The following H2AC8 variants were observed in gnomAD, a reference collection of about 807,000 sequenced individuals.
H2AC8 encodes histone H2A type 1-B/E.
In H2AC8, 9 loss-of-function variants were observed where a neutral mutation model predicts 6.3. That is an observed-to-expected ratio of 1.43 (90% CI 0.86 to 2.49). The LOEUF is 2.49. H2AC8 is among the 30% of genes most tolerant of loss of function. H2AC8 has a pLI of 0.00. For missense variants in H2AC8, 141 were observed against 177.5 expected (o/e 0.79, Z 1.17); for synonymous variants, 176 against 79.6 (o/e 2.21, Z -6.45).
upstream of H2AC8, chr6:26,216,943 A>ATTGTTAG (rs757525560): frequency 1.7e-5 from 28 of 1,611,634 alleles, no homozygotes; most frequent in Admixed American, 3.9e-4. Context: ...TATTCAGTGG[A>ATTGTTAG]TTGTTAGTTC....
At chr6:26,217,186 C>T (rs1440081263) in exon 1 of H2AC8, 1 of 1,614,060 alleles carries the variant, frequency 6.2e-7, no homozygotes, top group Non-Finnish European at 8.5e-7. Context: ...GGCAACGCGG[C>T]TCGCGACAAT....
At chr6:26,216,949 A>T, upstream of H2AC8, 1 of 1,612,628 alleles carries the variant, frequency 6.2e-7, no homozygotes, top group Non-Finnish European at 8.5e-7. Context: ...GTGGATTGTT[A>T]GTTCTTCTGC....
chr6:26,217,247 C>G (rs754405426), exon 1 of H2AC8: 1 of 1,614,210 alleles, frequency 6.2e-7, no homozygotes, highest in Admixed American at 1.7e-5. Context: ...TCCGCAACGA[C>G]GAGGAGCTAA....
At position 26,217,428 on chromosome 6, in the gene H2AC8, G is replaced by C; in HGVS notation, c.*61G>C. 1.9e-6 allele frequency: 3 copies of C among 1,553,832 alleles called. No individual in the cohort carries two copies. The Admixed American group carries it at 6.0e-5, about 31-fold the overall frequency. ...TCCCAGAAACCAAAGGCTCTTTTCAGAGCCACCCACCTTTTCTGTAAAGTG... is the reference window on the plus strand; with the variant it reads ...TCCCAGAAACCAAAGGCTCTTTTCACAGCCACCCACCTTTTCTGTAAAGTG... On this transcript the variant is annotated 3_prime_UTR_variant, in exon 1 of 1. Transcript: ENST00000303910.
At chr6:26,216,975 A>G (rs1765424295) in exon 1 of H2AC8, 4 of 1,613,992 alleles carry the variant, frequency 2.5e-6, no homozygotes, top group Admixed American at 1.7e-5. Flanking sequence ...GGAAGCCACT[A>G]TGTCTGGACG....
exon 1 of H2AC8, chr6:26,217,175 T>C (rs1404930117): frequency 1.2e-6 from 2 of 1,614,110 alleles, no homozygotes; most frequent in Admixed American, 1.7e-5. Flanking sequence ...TAGAGCTAGC[T>C]GGCAACGCGG....
chr6:26,216,941 G>A (rs777473579), upstream of H2AC8: 6 of 1,611,376 alleles, frequency 3.7e-6, no homozygotes, highest in South Asian at 1.1e-5. Context: ...TTTATTCAGT[G>A]GATTGTTAGT....
chr6:26,217,370 T>C lies in H2AC8; in HGVS notation c.*3T>C, dbSNP rs780669922. On this transcript the variant is annotated 3_prime_UTR_variant, in exon 1 of 1. Transcript: ENST00000303910. ...ACCATAAGGCCAAGGGCAAGTGAAA[T>C]GATTACTAGTCAAATCCGTCAGTGA... 13 of 1,610,906 alleles carry C rather than the reference T, an allele frequency of 8.1e-6. No homozygotes were observed. The South Asian group carries it at 1.4e-4, about 18-fold the overall frequency.
exon 1 of H2AC8, chr6:26,217,178 C>A (rs377551194): frequency 6.2e-7 from 1 of 1,614,200 alleles, no homozygotes; most frequent in Non-Finnish European, 8.5e-7. Flanking sequence ...AGCTAGCTGG[C>A]AACGCGGCTC....
At chr6:26,217,262 G>A (rs373756908) in exon 1 of H2AC8, 10 of 1,614,106 alleles carry the variant, frequency 6.2e-6, no homozygotes, top group Non-Finnish European at 8.5e-6. Context: ...AGCTAAATAA[G>A]CTTCTAGGTC....
exon 1 of H2AC8, chr6:26,217,024 C>G: frequency 6.2e-7 from 1 of 1,614,194 alleles, no homozygotes; most frequent in Non-Finnish European, 8.5e-7. Context: ...AAAGCTAAAA[C>G]GCGTTCTTCC....
At position 26,217,388 on chromosome 6, in the gene H2AC8, G is replaced by A. The variant is rs759625327; in HGVS notation, c.*21G>A. ...AGTGAAATGATTACTAGTCAAATCC[G>A]TCAGTGATCCCGAGTCCCAGAAACC... On this transcript the variant is annotated 3_prime_UTR_variant, in exon 1 of 1. Transcript: ENST00000303910. 6 of 1,600,372 alleles carry A rather than the reference G, an allele frequency of 3.7e-6. No homozygotes were observed. In the Admixed American group the frequency reaches 5.4e-5, roughly 14 times the overall value.
exon 1 of H2AC8, chr6:26,217,185 G>C (rs45579941): frequency 6.2e-7 from 1 of 1,614,052 alleles, no homozygotes; most frequent in African/African-American, 1.3e-5. Flanking sequence ...TGGCAACGCG[G>C]CTCGCGACAA....
chr6:26,217,206 C>T (rs1237041699), exon 1 of H2AC8: 1 of 1,614,044 alleles, frequency 6.2e-7, no homozygotes, highest in African/African-American at 1.3e-5. Context: ...TAAGAAGACC[C>T]GCATCATCCC....
exon 1 of H2AC8, chr6:26,217,256 A>G: frequency 1.2e-6 from 2 of 1,614,212 alleles, no homozygotes; most frequent in Non-Finnish European, 1.7e-6. Context: ...ACGAGGAGCT[A>G]AATAAGCTTC....
At chr6:26,216,947 T>C (rs780213776), upstream of H2AC8, 13 of 1,612,670 alleles carry the variant, frequency 8.1e-6, no homozygotes, top group Admixed American at 3.3e-5. Context: ...CAGTGGATTG[T>C]TAGTTCTTCT....
At chr6:26,217,375 A>C in exon 1 of H2AC8, 1 of 1,609,508 alleles carries the variant, frequency 6.2e-7, no homozygotes. Flanking sequence ...TGAAATGATT[A>C]CTAGTCAAAT....
At chr6:26,217,208 C>T (rs1765432723) in exon 1 of H2AC8, 1 of 1,614,198 alleles carries the variant, frequency 6.2e-7, no homozygotes, top group Non-Finnish European at 8.5e-7. Flanking sequence ...AGAAGACCCG[C>T]ATCATCCCGC....
exon 1 of H2AC8, chr6:26,217,087 G>A (rs1765427968): frequency 3.1e-6 from 5 of 1,614,134 alleles, no homozygotes; most frequent in Non-Finnish European, 4.2e-6. Context: ...CTCCGCAAAG[G>A]CAACTACTCC....
Sources: gnomAD v4.1 joint callset for allele counts on GRCh38, gnomAD v4.1.1 for gene constraint, MANE v1.5 for transcripts, NCBI Gene and HGNC (gene_info 2026-07-23, HGNC 2026-07-21) for gene names.